The following KANK1 variants were observed in gnomAD, a reference collection of about 807,000 sequenced individuals.
KANK1 encodes the protein KN motif and ankyrin repeat domain-containing protein 1.
KANK1 carries 109 observed loss-of-function variants against 106.2 expected under a neutral mutation model. The ratio of observed to expected loss-of-function variants is 1.03; its 90% CI spans 0.88 to 1.20. The LOEUF is 1.20. KANK1 is among the 50% of genes most tolerant of loss of function. The pLI is 0.00. For missense variants in KANK1, 2,399 were observed against 1,710.7 expected (o/e 1.40, Z -7.10); for synonymous variants, 873 against 652.2 (o/e 1.34, Z -5.16).
chr9:739,450 T>C (rs759944326), intron 8 of KANK1, among the ~76,000 whole-genome samples: 2 of 152,242 alleles, frequency 1.3e-5, no homozygotes, highest in Non-Finnish European at 2.9e-5. Flanking sequence ...CAAGCAGATT[T>C]ATCCTTCCTT....
rs551739387 is a variant in KANK1, at chr9:568,666, A to T, written c.-84+63912A>T. On this transcript the variant is annotated intron_variant, in intron 1 of 11. Coordinates refer to ENST00000382297, the MANE Select transcript of KANK1 (RefSeq NM_015158.5). Reference sequence around the variant, plus strand: ...CACCATGCCTGCCTAATTTTCTAAAATTTTTTTGTAGAGACAAAATCTCAA... The same window carrying T: ...CACCATGCCTGCCTAATTTTCTAAATTTTTTTTGTAGAGACAAAATCTCAA... Among the ~76,000 whole-genome samples, 9 of 152,154 alleles carry T rather than the reference A, an allele frequency of 5.9e-5. No homozygotes were observed. In the East Asian group the frequency reaches 1.5e-3, roughly 26 times the overall value.
At chr9:707,282 G>A (rs915174560) in intron 2 of KANK1, 16 of 966,022 alleles carry the variant, frequency 1.7e-5, no homozygotes, top group Non-Finnish European at 2.0e-5. Flanking sequence ...GGCGGCCACC[G>A]CTGGCCGAAT....
At chr9:516,722 G>C (rs575276487) in intron 1 of KANK1, among the ~76,000 whole-genome samples, 1 of 151,584 alleles carries the variant, frequency 6.6e-6, no homozygotes, top group African/African-American at 2.4e-5. Context: ...TACTTCATAG[G>C]CATTCAAAAA....
chr9:561,115 C>G (rs1344332585), intron 1 of KANK1, among the ~76,000 whole-genome samples: 5 of 152,164 alleles, frequency 3.3e-5, no homozygotes, highest in African/African-American at 1.2e-4. Flanking sequence ...GGACTAGAAA[C>G]TATGCCCTAC....
intron 1 of KANK1, among the ~76,000 whole-genome samples, chr9:611,509 T>C (rs932052129): frequency 1.3e-5 from 2 of 152,190 alleles, no homozygotes; most frequent in African/African-American, 2.4e-5. Flanking sequence ...GCACAGAAGC[T>C]GAATCCAAAC....
chr9:555,138 C>T (rs966516852), intron 1 of KANK1, among the ~76,000 whole-genome samples: 3 of 152,132 alleles, frequency 2.0e-5, no homozygotes, highest in African/African-American at 7.2e-5. Flanking sequence ...AGTAGAACCC[C>T]TGGATAGTAA....
At chr9:731,501 C>T (rs1832252558) in intron 5 of KANK1, 1 of 346,310 alleles carries the variant, frequency 2.9e-6, no homozygotes, top group African/African-American at 2.1e-5. Flanking sequence ...TACATCTCCT[C>T]ACCTCTGATC....
chr9:512,666 T>C (rs1259831444), intron 1 of KANK1, among the ~76,000 whole-genome samples: 1 of 152,100 alleles, frequency 6.6e-6, no homozygotes, highest in African/African-American at 2.4e-5. Flanking sequence ...AAACTATTGG[T>C]TGTAGCACAA....
intron 1 of KANK1, among the ~76,000 whole-genome samples, chr9:509,837 C>A (rs916315532): frequency 7.2e-5 from 11 of 152,096 alleles, no homozygotes; most frequent in Admixed American, 1.3e-4. Flanking sequence ...CATTGTGTCA[C>A]CCAGGCTGGA....
At chr9:614,077 C>T (rs1195767782) in intron 1 of KANK1, among the ~76,000 whole-genome samples, 1 of 152,174 alleles carries the variant, frequency 6.6e-6, no homozygotes, top group Non-Finnish European at 1.5e-5. Context: ...CAGCAGAGTG[C>T]TCAGTTCTTG....
chr9:727,876 C>T (rs1831158940), intron 3 of KANK1, among the ~76,000 whole-genome samples: 1 of 152,040 alleles, frequency 6.6e-6, no homozygotes, highest in Admixed American at 6.5e-5. Flanking sequence ...ATTCTAAGCC[C>T]CCTAACCAAC....
At chr9:681,282 A>G (rs1270008152) in intron 2 of KANK1, among the ~76,000 whole-genome samples, 4 of 152,226 alleles carry the variant, frequency 2.6e-5, no homozygotes, top group Non-Finnish European at 5.9e-5. Flanking sequence ...GTCTTTTGTT[A>G]AGGAGGTAAG....
chr9:479,631 T>C (rs368941126), intron 3 of KANK1, among the ~76,000 whole-genome samples: 264 of 152,352 alleles, frequency 1.7e-3, no homozygotes, highest in African/African-American at 6.1e-3. Flanking sequence ...GACAAAACTT[T>C]TCAAAAATAT....
At chr9:714,243 G>A (rs1827052593) in intron 3 of KANK1, among the ~76,000 whole-genome samples, 2 of 152,008 alleles carry the variant, frequency 1.3e-5, no homozygotes, top group South Asian at 4.2e-4. Flanking sequence ...GTCAGGAGGC[G>A]ATAAATACTG....
chr9:558,227 A>T (rs762452466), intron 1 of KANK1, among the ~76,000 whole-genome samples: 33 of 152,302 alleles, frequency 2.2e-4, no homozygotes, highest in Admixed American at 3.3e-4. Flanking sequence ...TATAAATAGG[A>T]TATCCAGAGA....
rs143571646 is a variant in KANK1 at position 584,002 on chromosome 9, C to G, written c.-84+79248C>G. 2.8e-3 allele frequency among the ~76,000 whole-genome samples: 428 copies of G among 152,130 alleles called. 3 individuals carry two copies. Among genetic ancestry groups the G allele is most frequent in the Non-Finnish European group, 4.4e-3 (297 of 67,994 alleles). ...CCACTGGGTCAAACATTGTGTAGGGCAAATTAACAATATCAGATCCTCACA... is the reference window on the plus strand; with the variant it reads ...CCACTGGGTCAAACATTGTGTAGGGGAAATTAACAATATCAGATCCTCACA... On this transcript the variant is annotated intron_variant, in intron 1 of 11. Transcript: ENST00000382297.
chr9:585,406 C>T (rs1188460750), intron 1 of KANK1, among the ~76,000 whole-genome samples: 2 of 152,126 alleles, frequency 1.3e-5, no homozygotes, highest in East Asian at 3.8e-4. Flanking sequence ...AGATTGTCTA[C>T]CAATGGTCTA....
chr9:501,574 C>T (rs1358815770), upstream of KANK1, among the ~76,000 whole-genome samples: 3 of 151,632 alleles, frequency 2.0e-5, no homozygotes, highest in East Asian at 5.8e-4. Flanking sequence ...AAATATGGTT[C>T]ATTGTTCCCA....
At chr9:499,966 GT>G (rs1328910171), upstream of KANK1, among the ~76,000 whole-genome samples, 1 of 152,198 alleles carries the variant, frequency 6.6e-6, no homozygotes, top group Non-Finnish European at 1.5e-5. Context: ...AGTCTAACAA[GT>G]TTGTTTGTAA....
Sources: allele counts gnomAD v4.1 joint callset (sites outside exome capture counted in the v4.1 genomes callset), GRCh38; gene constraint gnomAD v4.1.1; transcripts MANE v1.5; gene names NCBI Gene and HGNC (gene_info 2026-07-23, HGNC 2026-07-21).